Variants in ARAP3 observed in about 807,000 individuals in gnomAD.
ARAP3 encodes the protein arf-GAP with Rho-GAP domain, ANK repeat and PH domain-containing protein 3.
ARAP3 carries 82 observed loss-of-function variants against 169.2 expected under a neutral mutation model. The observed-to-expected ratio is 0.48, with a 90% CI of 0.41 to 0.58. ARAP3 has a LOEUF of 0.58. Among genes scored for constraint, ARAP3 ranks in the 20% least tolerant of loss-of-function variants. The probability of loss-of-function intolerance (pLI) is 0.00; values close to 1 mark genes in which losing one functional copy is unlikely to be tolerated. For synonymous variants in ARAP3, 791 were observed against 800.3 expected (o/e 0.99, Z 0.20); for missense variants, 1,764 against 2,018.0 (o/e 0.87, Z 2.41).
In ARAP3 at chr5:141,672,929, G is replaced by T; in HGVS notation, c.1094-4C>A. 1 of 1,611,902 alleles carries T rather than the reference G, an allele frequency of 6.2e-7. No homozygotes were observed. Among genetic ancestry groups the T allele is most frequent in the Non-Finnish European group, 8.5e-7 (1 of 1,178,764 alleles). On this transcript the variant is annotated splice_region_variant and splice_polypyrimidine_tract_variant and intron_variant, in intron 7 of 32. Transcript: ENST00000239440. The surrounding 1 kb of genome is among the most constrained non-coding windows in gnomAD (Gnocchi z 4.9). ...GAGCACCACATGTCCCGCTGAGCTGGTGGGGATGGAGAAGCAGGTCAGTGG... is the reference window on the plus strand; with the variant it reads ...GAGCACCACATGTCCCGCTGAGCTGTTGGGGATGGAGAAGCAGGTCAGTGG...
rs905898159 is a variant in ARAP3 at position 141,654,142 on chromosome 5, T to C, written c.4443A>G (p.Leu1481=). 1 of 1,613,212 alleles carries C rather than the reference T, an allele frequency of 6.2e-7. No individual in the cohort carries two copies. The highest frequency in any genetic ancestry group is 1.3e-5 in the African/African-American group (1 of 74,856). Residue 1481 remains leucine, a synonymous_variant, in exon 33 of 33, where the codon CTA becomes CTG. Coordinates refer to ENST00000239440, the MANE Select transcript of ARAP3 (RefSeq NM_022481.6). The part of the protein sequence containing the change: ...SKSSPQARGS[L]EEQLLQELSS... ...TGAGCTCCTGGAGCAGCTGTTCCTCTAGGGACCCCCGTGCCTGGGGACTGC... is the reference window on the plus strand; with the variant it reads ...TGAGCTCCTGGAGCAGCTGTTCCTCCAGGGACCCCCGTGCCTGGGGACTGC...
chr5:141,671,724 G>A lies in ARAP3; in HGVS notation c.1700C>T (p.Ala567Val), dbSNP rs2099911475. 6.2e-7 allele frequency: 1 copy of A among 1,605,238 alleles called. No individual in the cohort carries two copies. Among genetic ancestry groups the A allele is most frequent in the Non-Finnish European group, 8.5e-7 (1 of 1,175,514 alleles). The change falls in exon 12 of 33, where the codon GCC (alanine) becomes GTC (valine). Residue 567 changes from alanine (A) to valine (V), a missense_variant. By Grantham distance (64) the Ala-to-Val change is moderately conservative. Coordinates refer to ENST00000239440, the MANE Select transcript of ARAP3 (RefSeq NM_022481.6). This position sits in a 1 kb window ranked among gnomAD's most constrained non-coding sequence, Gnocchi z 4.9. ...QLFIVLGNDR[A>V]NRFWAGTLPP... ...TAGGGTCCCTGCCCAGAAGCGGTTG[G>A]CACGATCATTTCCCAGGACAATGAA...
chr5:141,679,738 C>T (rs768635736), intron 3 of ARAP3, 23 bp downstream of exon 3: 56 of 1,614,140 alleles, frequency 3.5e-5, no homozygotes, highest in Non-Finnish European at 4.7e-5. Context: ...TCCCTCTCCC[C>T]CAACCCGTGA....
chr5:141,660,042 G>A (rs887288509), intron 21 of ARAP3, 116 bp from the exon 22 acceptor site: 290 of 1,329,376 alleles, frequency 2.2e-4, no homozygotes, highest in Admixed American at 5.3e-5. Flanking sequence ...GATAATATTG[G>A]CCTCAAGGAG....
At chr5:141,680,835 C>T (rs2099912864) in intron 1 of ARAP3, 3 of 318,302 alleles carry the variant, frequency 9.4e-6, no homozygotes, top group Admixed American at 4.7e-5. Flanking sequence ...ACTGCACATC[C>T]AACTGAGTAA....
In ARAP3 at chr5:141,656,808, C is replaced by T; in HGVS notation, c.3565G>A (p.Ala1189Thr). 2 of 1,613,180 alleles carry T rather than the reference C, an allele frequency of 1.2e-6. No homozygotes were observed. Among genetic ancestry groups the T allele is most frequent in the African/African-American group, 1.3e-5 (1 of 75,012 alleles). Residue 1189 changes from alanine to threonine, a missense_variant, in exon 26 of 33, where the codon GCT becomes ACT. Physicochemically the swap from Ala to Thr is moderately conservative, Grantham distance 58. Transcript: ENST00000239440. ...LHPKEKVLEQ[A>T]LQWCQLPEPC... ...TCTGGGAGCTGGCACCATTGTAAAG[C>T]CTGCTCTAAGACCTTTTCCTTGGGA...
intron 25 of ARAP3, among the ~76,000 whole-genome samples, chr5:141,657,177 A>T (rs1041753023): frequency 2.6e-5 from 4 of 152,256 alleles, no homozygotes; most frequent in Non-Finnish European, 5.9e-5. Context: ...GTGGCACTTG[A>T]AGATGAGACT....
chr5:141,654,482 C>T, intron 32 of ARAP3, 47 bp from the exon 33 acceptor site: 8 of 1,514,812 alleles, frequency 5.3e-6, no homozygotes, highest in Non-Finnish European at 7.0e-6. Context: ...TTAAAGTTAC[C>T]AGATTATGAA....
chr5:141,682,005 G>T (rs1360838412), intron 1 of ARAP3, among the ~76,000 whole-genome samples, 168 bp downstream of exon 1: 1 of 151,832 alleles, frequency 6.6e-6, no homozygotes, highest in Admixed American at 6.5e-5. Context: ...GAGGGAGGGG[G>T]CGAGGAGGGA....
Position 141,673,413 on chromosome 5 carries a change from A to G in ARAP3, c.960T>C (p.Phe320=). Reference sequence around the variant, plus strand: ...CCCAGCCCCCCACCTTGTCACTGCCAAAGTACATCAGACTCCTCCCATTGA... The same window carrying G: ...CCCAGCCCCCCACCTTGTCACTGCCGAAGTACATCAGACTCCTCCCATTGA... ...VQFNGRSLMY[F]GSDKDPFPKG... The change falls in exon 6 of 33, where the codon TTT becomes TTC. Residue 320 remains phenylalanine (F), a synonymous_variant. Transcript: ENST00000239440. 9 of 1,613,948 alleles carry G rather than the reference A, an allele frequency of 5.6e-6. No individual in the cohort carries two copies. Among genetic ancestry groups the G allele is most frequent in the Non-Finnish European group, 7.6e-6 (9 of 1,180,010 alleles).
In ARAP3 at chr5:141,672,719, GC is replaced by G. The variant is rs763501873; in HGVS notation, c.1278+21del. 610 of 1,614,020 alleles carry G rather than the reference GC, an allele frequency of 3.8e-4. No homozygotes were observed. Among genetic ancestry groups the G allele is most frequent in the Non-Finnish European group, 4.9e-4 (581 of 1,180,014 alleles). On this transcript the variant is annotated intron_variant, in intron 8 of 32. Transcript: ENST00000239440. This position sits in a 1 kb window ranked among gnomAD's most constrained non-coding sequence, Gnocchi z 4.9. ...AGAAGGGACTAGTTCAGGCCCCTCA[GC>G]CCTGGCCCGGCTCTCCTCACCTGCT... is the stretch of plus-strand genomic sequence containing the variant.
At position 141,672,282 on chromosome 5, in the gene ARAP3, C is replaced by G; in HGVS notation, c.1405G>C (p.Gly469Arg). Residue 469 changes from glycine to arginine, a missense_variant, in exon 10 of 33, where the codon GGT (glycine) becomes CGT (arginine). This residue lies in a region of ARAP3 where 630 missense variants were observed against 678.7 expected (regional missense o/e 0.93). Coordinates refer to ENST00000239440, the MANE Select transcript of ARAP3 (RefSeq NM_022481.6). This position sits in a 1 kb window ranked among gnomAD's most constrained non-coding sequence, Gnocchi z 4.9. ...RCFSFTAESG[G>R]ARQSWAAALQ... ...GCGGCCGCCCAGCTCTGCCGAGCAC[C>G]CCCAGACTCGGCTGTGAAGCTGAGG... is the stretch of plus-strand genomic sequence containing the variant. The G allele has an allele frequency of 6.2e-7, 1 of 1,614,180 alleles. No individual in the cohort carries two copies. Among genetic ancestry groups the G allele is most frequent in the Admixed American group, 1.7e-5 (1 of 60,024 alleles).
rs755403355 is a variant in ARAP3 at position 141,656,171 on chromosome 5, G to A, written c.3872+23C>T. Reference sequence around the variant, plus strand: ...GTGAAGGCAGGAAGGCCCTGGAAGTGCGGGCTGGGGAAGAAAACTCACGGT... The same window carrying A: ...GTGAAGGCAGGAAGGCCCTGGAAGTACGGGCTGGGGAAGAAAACTCACGGT... On this transcript the variant is annotated intron_variant, in intron 28 of 32. Coordinates refer to ENST00000239440, the MANE Select transcript of ARAP3 (RefSeq NM_022481.6). 3.7e-6 allele frequency: 6 copies of A among 1,613,994 alleles called. No homozygotes were observed. In the Admixed American group the frequency reaches 8.3e-5, roughly 22 times the overall value.
chr5:141,655,225 TACACAC>T (rs148481472), intron 32 of ARAP3, 131 bp downstream of exon 32: 27,214 of 490,076 alleles, frequency 0.056, 749 homozygotes, highest in Non-Finnish European at 0.073. Flanking sequence ...CCTGATGGCC[TACACAC>T]ACACACACAC....
chr5:141,675,021 C>T (rs622766), intron 4 of ARAP3, among the ~76,000 whole-genome samples: 55,060 of 152,090 alleles, frequency 0.36, 10,322 homozygotes, highest in Admixed American at 0.48. Flanking sequence ...GCTGCAAGAA[C>T]TTGTACAGTG....
chr5:141,680,103 G>T lies in ARAP3; in HGVS notation c.384C>A (p.Ser128Arg). 1 of 1,613,314 alleles carries T rather than the reference G, an allele frequency of 6.2e-7. No homozygotes were observed. Among genetic ancestry groups the T allele is most frequent in the East Asian group, 2.2e-5 (1 of 44,866 alleles). Reference protein sequence around the residue: ...PALGGPGVSRSPEPSPRPPPL... With the variant: ...PALGGPGVSRRPEPSPRPPPL... The stretch of plus-strand genomic sequence containing the variant: ...GAGGAGGCCTTGGGCTGGGCTCTGG[G>T]CTCCTGGACACTCCTGGTCCCCCGA... The change falls in exon 2 of 33, where the codon AGC becomes AGA. Residue 128 changes from serine to arginine, a missense_variant. Physicochemically the swap from Ser to Arg is moderately radical, Grantham distance 110 (BLOSUM62 -1). Coordinates refer to ENST00000239440, the MANE Select transcript of ARAP3 (RefSeq NM_022481.6).
intron 4 of ARAP3, among the ~76,000 whole-genome samples, chr5:141,678,921 C>T (rs1389040940): frequency 6.6e-6 from 1 of 152,218 alleles, no homozygotes; most frequent in Non-Finnish European, 1.5e-5. Context: ...TCTGTGTACG[C>T]TGATCTATCC....
chr5:141,680,621 G>C (rs1487352060), intron 1 of ARAP3, 118 bp from the exon 2 acceptor site: 2 of 1,400,256 alleles, frequency 1.4e-6, no homozygotes, highest in Non-Finnish European at 1.9e-6. Context: ...GAAAGATGCT[G>C]AAAGGCCTGC....
chr5:141,662,181 G>A lies in ARAP3; in HGVS notation c.2875C>T (p.Arg959Trp), dbSNP rs750214735. The part of the protein sequence containing the change: ...RSLRLLAEFR[R>W]DARSVKLRPG... ...CGGAGCTTCACCGACCGGGCATCCCGACGGAACTCAGCCAGGAGTCTCAGG... is the reference window on the plus strand; with the variant it reads ...CGGAGCTTCACCGACCGGGCATCCCAACGGAACTCAGCCAGGAGTCTCAGG... Residue 959 changes from arginine (R) to tryptophan (W), a missense_variant, in exon 20 of 33, where the codon CGG becomes TGG. Coordinates refer to ENST00000239440, the MANE Select transcript of ARAP3 (RefSeq NM_022481.6). The A allele has an allele frequency of 2.7e-5, 44 of 1,614,096 alleles. No homozygotes were observed. The highest frequency in any genetic ancestry group is 3.4e-5 in the Non-Finnish European group (40 of 1,180,056).
Sources: gnomAD v4.1 joint callset for allele counts (sites outside exome capture counted in the v4.1 genomes callset) on GRCh38, gnomAD v4.1.1 for gene constraint, gnomAD v4.1.1 regional missense constraint, Gnocchi (gnomAD v3.1) non-coding constraint, MANE v1.5 for transcripts, NCBI Gene and HGNC (gene_info 2026-07-23, HGNC 2026-07-21) for gene names.